DAB2IP: variants seen among roughly 807,000 people sequenced by gnomAD.
DAB2IP encodes disabled homolog 2-interacting protein.
DAB2IP carries 28 observed loss-of-function variants against 107.2 expected under a neutral mutation model. That is an observed-to-expected ratio of 0.26 (90% CI 0.19 to 0.36). DAB2IP has a LOEUF of 0.36. DAB2IP is among the 10% of genes least tolerant of loss of function. The pLI is 1.00. For missense variants in DAB2IP, 1,400 were observed against 1,644.7 expected (o/e 0.85, Z 2.57); for synonymous variants, 755 against 706.4 (o/e 1.07, Z -1.09).
At chr9:121,593,663 CTTTTTTTTTCT>C (rs1212315194) in intron 1 of DAB2IP, among the ~76,000 whole-genome samples, 37 of 77,056 alleles carry the variant, frequency 4.8e-4, no homozygotes, top group South Asian at 3.9e-3. Flanking sequence ...TTTCTTTTTT[CTTTTTTTTTCT>C]TTTTTTTTTT....
intron 15 of DAB2IP, among the ~76,000 whole-genome samples, chr9:121,781,978 A>G (rs1052609175): frequency 6.6e-6 from 1 of 152,036 alleles, no homozygotes; most frequent in Non-Finnish European, 1.5e-5. Flanking sequence ...CTTTCCTTTC[A>G]CTCACCCAGG....
chr9:121,753,452 G>T (rs1833270229), intron 3 of DAB2IP, among the ~76,000 whole-genome samples: 1 of 152,206 alleles, frequency 6.6e-6, no homozygotes, highest in African/African-American at 2.4e-5. Flanking sequence ...GCCTTGGGCA[G>T]CAGAGAGGGA....
In DAB2IP at chr9:121,634,930, G is replaced by C. The variant is rs996990295; in HGVS notation, c.41-43748G>C. ...GAGGCACCCCCAGCCCCCTCAGCCA[G>C]AACAGCCAACACCAGGCAGGTTTGA... On this transcript the variant is annotated intron_variant, in intron 1 of 16. Transcript: ENST00000259371. This position sits in a 1 kb window ranked among gnomAD's most constrained non-coding sequence, Gnocchi z 4.7. Among the ~76,000 whole-genome samples, 1 of 152,220 alleles carries C rather than the reference G, an allele frequency of 6.6e-6. No individual in the cohort carries two copies. Among genetic ancestry groups the C allele is most frequent in the Non-Finnish European group, 1.5e-5 (1 of 68,034 alleles).
At chr9:121,614,487 T>C (rs1474147678) in intron 1 of DAB2IP, among the ~76,000 whole-genome samples, 2 of 151,494 alleles carry the variant, frequency 1.3e-5, no homozygotes, top group Admixed American at 1.3e-4. Context: ...ATTACAGGCA[T>C]GTGCCACCAT....
At chr9:121,712,497 T>G (rs1036815666) in intron 3 of DAB2IP, among the ~76,000 whole-genome samples, 1 of 152,164 alleles carries the variant, frequency 6.6e-6, no homozygotes, top group African/African-American at 2.4e-5. Flanking sequence ...GTTTCTGGGC[T>G]TGTTAAAGTT....
At chr9:121,755,653 G>A (rs2118950468) in intron 3 of DAB2IP, among the ~76,000 whole-genome samples, 1 of 152,326 alleles carries the variant, frequency 6.6e-6, no homozygotes, top group East Asian at 1.9e-4. Flanking sequence ...GAGATGTGGA[G>A]CTTGGGGTGG....
chr9:121,679,362 C>A (rs117656063), intron 2 of DAB2IP, among the ~76,000 whole-genome samples: 1,747 of 150,970 alleles, frequency 0.012, 37 homozygotes, highest in Non-Finnish European at 0.018. Flanking sequence ...GGAAACAGAA[C>A]CCAATGACCC....
intron 3 of DAB2IP, among the ~76,000 whole-genome samples, chr9:121,748,456 C>T (rs1484523149): frequency 6.6e-6 from 1 of 152,212 alleles, no homozygotes; most frequent in Non-Finnish European, 1.5e-5. Flanking sequence ...TGTCTCTAAG[C>T]CTCAGTTTCC....
chr9:121,762,672 C>T (rs1470668847), intron 6 of DAB2IP, among the ~76,000 whole-genome samples: 1 of 151,852 alleles, frequency 6.6e-6, no homozygotes, highest in African/African-American at 2.4e-5. Flanking sequence ...TAGGTGGCCC[C>T]CTGCCCTGAC....
At position 121,765,538 on chromosome 9, in the gene DAB2IP, T is replaced by C. The variant is rs113201610; in HGVS notation, c.1461-956T>C. Among the ~76,000 whole-genome samples, 835 of 152,342 alleles carry C rather than the reference T, an allele frequency of 5.5e-3. 11 individuals are homozygous for C. The highest frequency in any genetic ancestry group is 0.019 in the African/African-American group (798 of 41,568). On this transcript the variant is annotated intron_variant, in intron 8 of 15. Coordinates refer to ENST00000408936, the Ensembl canonical transcript of DAB2IP. ...CAAGCCTGTTGTAGCCTTGGGGTTTTAGCCTTACGATGGCTCTGTGAGCTT... is the reference window on the plus strand; with the variant it reads ...CAAGCCTGTTGTAGCCTTGGGGTTTCAGCCTTACGATGGCTCTGTGAGCTT...
intron 2 of DAB2IP, among the ~76,000 whole-genome samples, chr9:121,687,145 C>T (rs887129127): frequency 1.3e-5 from 2 of 152,168 alleles, no homozygotes; most frequent in African/African-American, 4.8e-5. Flanking sequence ...AGGGAGCTGG[C>T]CCAACAAGGT....
chr9:121,730,703 G>A (rs1831482571), intron 3 of DAB2IP, among the ~76,000 whole-genome samples: 1 of 152,230 alleles, frequency 6.6e-6, no homozygotes, highest in Non-Finnish European at 1.5e-5. Context: ...GTGCTTGTGG[G>A]AGAAGCAGAC....
intron 3 of DAB2IP, among the ~76,000 whole-genome samples, chr9:121,746,930 T>C (rs1832761968): frequency 6.6e-6 from 1 of 151,808 alleles, no homozygotes; most frequent in African/African-American, 2.4e-5. Context: ...TGTTCACATG[T>C]GAGGAGGAGC....
chr9:121,694,534 A>G (rs901330515), intron 2 of DAB2IP, among the ~76,000 whole-genome samples: 1 of 152,128 alleles, frequency 6.6e-6, no homozygotes, highest in Non-Finnish European at 1.5e-5. Context: ...CCTTTGAGAC[A>G]GTCGTTCAGG....
intron 1 of DAB2IP, among the ~76,000 whole-genome samples, chr9:121,656,779 C>G (rs538095795): frequency 6.6e-6 from 1 of 152,236 alleles, no homozygotes; most frequent in Admixed American, 6.5e-5. Context: ...TGATACTATC[C>G]TCATTTCATA....
chr9:121,676,558 G>C (rs1197308370), intron 1 of DAB2IP, among the ~76,000 whole-genome samples: 1 of 152,050 alleles, frequency 6.6e-6, no homozygotes, highest in Non-Finnish European at 1.5e-5. Flanking sequence ...CACCCCCCAC[G>C]CACCAGGCTC....
At chr9:121,612,276 G>A (rs1297273472) in intron 1 of DAB2IP, among the ~76,000 whole-genome samples, 4 of 151,950 alleles carry the variant, frequency 2.6e-5, no homozygotes, top group South Asian at 2.1e-4. Context: ...AGCCGGAGCC[G>A]TGATCGTACC....
intron 1 of DAB2IP, among the ~76,000 whole-genome samples, chr9:121,645,733 T>C (rs1295149649): frequency 1.3e-5 from 2 of 152,158 alleles, no homozygotes. Flanking sequence ...GCTTCCCCCG[T>C]TCATCAGTTT....
chr9:121,775,256 C>T (rs893608087), intron 13 of DAB2IP, among the ~76,000 whole-genome samples: 5 of 152,310 alleles, frequency 3.3e-5, no homozygotes, highest in Non-Finnish European at 5.9e-5. Flanking sequence ...GGCAACCTCT[C>T]GAGCAAGGGT....
Sources: allele counts gnomAD v4.1 joint callset (sites outside exome capture counted in the v4.1 genomes callset), GRCh38; gene constraint gnomAD v4.1.1; non-coding constraint Gnocchi (gnomAD v3.1); transcripts MANE v1.5; gene names NCBI Gene and HGNC (gene_info 2026-07-23, HGNC 2026-07-21).